Variants in DPYD observed in about 807,000 individuals in gnomAD.
DPYD encodes the protein dihydropyrimidine dehydrogenase.
Under a neutral mutation model 116.2 loss-of-function variants are expected in DPYD, and 109 were observed. The observed-to-expected ratio is 0.94, with a 90% CI of 0.80 to 1.10. DPYD has a LOEUF of 1.10. Among genes scored for constraint, DPYD ranks in the 50% least tolerant of loss-of-function variants. The probability of loss-of-function intolerance (pLI) is 0.00; values close to 1 mark genes in which losing one functional copy is unlikely to be tolerated. For synonymous variants in DPYD, 440 were observed against 432.0 expected (o/e 1.02, Z -0.23); for missense variants, 1,302 against 1,254.5 (o/e 1.04, Z -0.57).
chr1:97,137,425 C>T (rs2101686006), intron 20 of DPYD, among the ~76,000 whole-genome samples: 1 of 152,282 alleles, frequency 6.6e-6, no homozygotes, highest in South Asian at 2.1e-4. Flanking sequence ...CTCTTGAAAC[C>T]TGACTATTTA....
chr1:97,539,106 T>C (rs1262845884), intron 12 of DPYD, among the ~76,000 whole-genome samples: 1 of 152,134 alleles, frequency 6.6e-6, no homozygotes, highest in Non-Finnish European at 1.5e-5. Flanking sequence ...ATGAAAAAAT[T>C]AACTTTTTGT....
At chr1:97,191,026 A>G (rs1570635196) in intron 20 of DPYD, among the ~76,000 whole-genome samples, 1 of 151,948 alleles carries the variant, frequency 6.6e-6, no homozygotes, top group Non-Finnish European at 1.5e-5. Flanking sequence ...TAATGATAGG[A>G]CAATGTGAGT....
At chr1:97,702,178 A>G (rs922715708) in intron 5 of DPYD, among the ~76,000 whole-genome samples, 1 of 151,438 alleles carries the variant, frequency 6.6e-6, no homozygotes, top group African/African-American at 2.4e-5. Context: ...TAGTTAAAAT[A>G]TATTTTATAT....
chr1:97,809,554 G>A (rs1668246994), intron 3 of DPYD, among the ~76,000 whole-genome samples: 2 of 152,046 alleles, frequency 1.3e-5, no homozygotes, highest in African/African-American at 4.8e-5. Flanking sequence ...TAGAATACGA[G>A]GGATGGTTTA....
intron 13 of DPYD, among the ~76,000 whole-genome samples, chr1:97,481,496 C>A (rs1325630594): frequency 6.6e-6 from 1 of 152,000 alleles, no homozygotes; most frequent in Non-Finnish European, 1.5e-5. Flanking sequence ...ATGAACATTT[C>A]ACAGTGACAA....
chr1:97,202,698 A>G (rs763986989), intron 19 of DPYD, among the ~76,000 whole-genome samples: 2 of 152,238 alleles, frequency 1.3e-5, no homozygotes, highest in Non-Finnish European at 2.9e-5. Flanking sequence ...GATTAGTCAA[A>G]GGGCTGTGCC....
chr1:97,352,324 C>A (rs1045879035), intron 16 of DPYD, among the ~76,000 whole-genome samples: 2 of 152,318 alleles, frequency 1.3e-5, no homozygotes, highest in East Asian at 3.9e-4. Context: ...GTGTCTCTAA[C>A]ATCTGCATGA....
chr1:97,716,873 A>C (rs1439529972), intron 5 of DPYD, among the ~76,000 whole-genome samples: 1 of 152,180 alleles, frequency 6.6e-6, no homozygotes, highest in South Asian at 2.1e-4. Context: ...TGTTCAATCT[A>C]AAGCAAATAA....
chr1:97,640,039 C>A (rs1657797687), intron 8 of DPYD, among the ~76,000 whole-genome samples: 1 of 152,034 alleles, frequency 6.6e-6, no homozygotes, highest in African/African-American at 2.4e-5. Flanking sequence ...ACAAAAGCAA[C>A]CCAAAGTTAA....
At chr1:97,585,119 T>A (rs1275092511) in intron 10 of DPYD, among the ~76,000 whole-genome samples, 1 of 152,124 alleles carries the variant, frequency 6.6e-6, no homozygotes, top group East Asian at 1.9e-4. Flanking sequence ...ATTGGCTAAT[T>A]CAACATGCCT....
At chr1:97,544,513 T>G (rs78025571) in intron 12 of DPYD, among the ~76,000 whole-genome samples, 2 of 152,234 alleles carry the variant, frequency 1.3e-5, no homozygotes, top group African/African-American at 4.8e-5. Context: ...CATGCATGTT[T>G]TCTTCATTAT....
At chr1:97,813,460 CT>C (rs1467979436) in intron 3 of DPYD, among the ~76,000 whole-genome samples, 2 of 151,954 alleles carry the variant, frequency 1.3e-5, no homozygotes, top group African/African-American at 2.4e-5. Context: ...AATCATTTTT[CT>C]TTCCCCATCT....
At chr1:97,209,963 T>C (rs1039960016) in intron 19 of DPYD, among the ~76,000 whole-genome samples, 1 of 152,194 alleles carries the variant, frequency 6.6e-6, no homozygotes, top group African/African-American at 2.4e-5. Context: ...GGTTCATATC[T>C]GCCAAACGAA....
chr1:97,172,624 T>C (rs1570598203), intron 20 of DPYD, among the ~76,000 whole-genome samples: 1 of 152,284 alleles, frequency 6.6e-6, no homozygotes, highest in Admixed American at 6.5e-5. Context: ...GGGTTGCTAA[T>C]AGAATCTTCT....
chr1:97,857,734 C>A (rs1670918278), intron 2 of DPYD, among the ~76,000 whole-genome samples: 1 of 152,094 alleles, frequency 6.6e-6, no homozygotes, highest in Admixed American at 6.6e-5. Flanking sequence ...TGAGCTGCTT[C>A]AACAAATTAG....
In DPYD at chr1:97,506,697, G is replaced by T. The variant is rs1411832663; in HGVS notation, c.1740+9029C>A. Among the ~76,000 whole-genome samples, 5 of 151,920 alleles carry T rather than the reference G, an allele frequency of 3.3e-5. No homozygotes were observed. In the East Asian group the frequency reaches 9.7e-4, roughly 29 times the overall value. ...ACCAAAATGATTAACTAATTAACAG[G>T]TGTGAAATCACAGCCTGAAATGGGA... On this transcript the variant is annotated intron_variant, in intron 13 of 22. Transcript: ENST00000370192.
intron 3 of DPYD, among the ~76,000 whole-genome samples, chr1:97,820,760 C>T (rs891276579): frequency 6.6e-6 from 1 of 152,156 alleles, no homozygotes; most frequent in African/African-American, 2.4e-5. Flanking sequence ...ACAGATCTCA[C>T]TGAATAGACT....
chr1:97,244,872 G>C (rs1460784130), intron 18 of DPYD, among the ~76,000 whole-genome samples: 2 of 152,002 alleles, frequency 1.3e-5, no homozygotes, highest in African/African-American at 2.4e-5. Flanking sequence ...ATAGACCAGA[G>C]TTCTAACTCA....
intron 2 of DPYD, among the ~76,000 whole-genome samples, chr1:97,880,058 A>T (rs4546957): frequency 0.73 from 109,929 of 151,344 alleles, 40,556 homozygotes; most frequent in East Asian, 0.93. Context: ...ATGTATATAT[A>T]TCAATATATA....
Sources: allele counts gnomAD v4.1 joint callset (sites outside exome capture counted in the v4.1 genomes callset), GRCh38; gene constraint gnomAD v4.1.1; transcripts MANE v1.5; gene names NCBI Gene and HGNC (gene_info 2026-07-23, HGNC 2026-07-21).